Variants in NTN4 observed in about 807,000 individuals in gnomAD.
NTN4 encodes the protein netrin 4, also known as netrin-4.
Under a neutral mutation model 73.6 loss-of-function variants are expected in NTN4, and 32 were observed. The ratio of observed to expected loss-of-function variants is 0.44; its 90% CI spans 0.33 to 0.58. The LOEUF is 0.58. NTN4 is among the 20% of genes least tolerant of loss of function. NTN4 has a pLI of 0.04. For synonymous variants in NTN4, 258 were observed against 287.5 expected (o/e 0.90, Z 1.04); for missense variants, 654 against 798.3 (o/e 0.82, Z 2.18).
At chr12:95,719,568 G>T (rs2078631608) in intron 3 of NTN4, among the ~76,000 whole-genome samples, 1 of 152,132 alleles carries the variant, frequency 6.6e-6, no homozygotes, top group Non-Finnish European at 1.5e-5. Context: ...TTCATGAAAA[G>T]AAATAAATTC....
chr12:95,669,789 G>A (rs932660291), intron 8 of NTN4, among the ~76,000 whole-genome samples: 1 of 152,136 alleles, frequency 6.6e-6, no homozygotes, highest in Non-Finnish European at 1.5e-5. Context: ...CACGAGAAAG[G>A]ATTTCATGTC....
At chr12:95,729,089 G>GTC (rs1043103121) in intron 3 of NTN4, among the ~76,000 whole-genome samples, 9 of 152,104 alleles carry the variant, frequency 5.9e-5, no homozygotes, top group African/African-American at 2.2e-4. Flanking sequence ...AAGTTACCCA[G>GTC]TCTCAGGTAT....
chr12:95,755,072 ATTAAG>A (rs1453059841), intron 2 of NTN4, among the ~76,000 whole-genome samples: 1 of 152,248 alleles, frequency 6.6e-6, no homozygotes, highest in Admixed American at 6.5e-5. Context: ...TCTATTGTTT[ATTAAG>A]TTATGTAAAA....
At chr12:95,675,143 C>G (rs145423178) in intron 7 of NTN4, among the ~76,000 whole-genome samples, 1,559 of 152,268 alleles carry the variant, frequency 0.01, 18 homozygotes, top group Non-Finnish European at 0.017. Flanking sequence ...GACTTGTTTT[C>G]TTTTTCAAAT....
chr12:95,695,215 T>C (rs774826563), intron 5 of NTN4, among the ~76,000 whole-genome samples: 1 of 152,072 alleles, frequency 6.6e-6, no homozygotes, highest in Non-Finnish European at 1.5e-5. Context: ...CAGTGTCTCC[T>C]GAGTTTTTGT....
chr12:95,788,935 C>G (rs1380521603), intron 1 of NTN4, among the ~76,000 whole-genome samples: 1 of 152,112 alleles, frequency 6.6e-6, no homozygotes, highest in Non-Finnish European at 1.5e-5. Flanking sequence ...TTATTTACAA[C>G]CTTTCAATGG....
chr12:95,753,168 T>G (rs892917478), intron 2 of NTN4, among the ~76,000 whole-genome samples: 1 of 152,184 alleles, frequency 6.6e-6, no homozygotes, highest in African/African-American at 2.4e-5. Context: ...CAGGCCTAAT[T>G]GCCACACACC....
chr12:95,718,699 C>T (rs956624461), intron 3 of NTN4, among the ~76,000 whole-genome samples: 3 of 152,150 alleles, frequency 2.0e-5, no homozygotes, highest in South Asian at 2.1e-4. Flanking sequence ...GCAGCAACTA[C>T]CCAATGTGAC....
intron 1 of NTN4, among the ~76,000 whole-genome samples, chr12:95,787,737 A>G (rs2121310687): frequency 6.6e-6 from 1 of 152,280 alleles, no homozygotes; most frequent in Middle Eastern, 3.4e-3. Flanking sequence ...AGAAACAAAC[A>G]CTTTAGGCAG....
At chr12:95,683,737 T>A (rs1483602305) in intron 5 of NTN4, 26 bp from the exon 6 acceptor site, 1 of 1,551,026 alleles carries the variant, frequency 6.4e-7, no homozygotes, top group African/African-American at 1.4e-5. Flanking sequence ...CACGCAAGGA[T>A]CAAAGACTGA....
At chr12:95,729,684 T>C (rs879228318) in intron 3 of NTN4, among the ~76,000 whole-genome samples, 1 of 149,082 alleles carries the variant, frequency 6.7e-6, no homozygotes, top group Non-Finnish European at 1.5e-5. Flanking sequence ...TATTTTAACC[T>C]TACGTGTCTT....
chr12:95,720,184 T>C (rs2078636124), intron 3 of NTN4, among the ~76,000 whole-genome samples: 1 of 152,176 alleles, frequency 6.6e-6, no homozygotes, highest in Non-Finnish European at 1.5e-5. Flanking sequence ...CAAATCCTTA[T>C]ATTATTAGCA....
chr12:95,767,054 C>T (rs951041640), intron 2 of NTN4, among the ~76,000 whole-genome samples: 1 of 152,210 alleles, frequency 6.6e-6, no homozygotes, highest in Non-Finnish European at 1.5e-5. Flanking sequence ...GTTATCTCTA[C>T]TCAGAAAAAC....
At chr12:95,771,280 C>A (rs1278863371) in intron 2 of NTN4, among the ~76,000 whole-genome samples, 1 of 152,128 alleles carries the variant, frequency 6.6e-6, no homozygotes, top group Non-Finnish European at 1.5e-5. Flanking sequence ...TGAGCCACCG[C>A]GCGGGGCCAA....
At chr12:95,762,972 C>G (rs1592710354) in intron 2 of NTN4, among the ~76,000 whole-genome samples, 1 of 152,180 alleles carries the variant, frequency 6.6e-6, no homozygotes, top group African/African-American at 2.4e-5. Flanking sequence ...CCGACTGTGT[C>G]TCTCATCATC....
intron 2 of NTN4, among the ~76,000 whole-genome samples, chr12:95,749,648 G>C (rs547934247): frequency 6.6e-6 from 1 of 152,212 alleles, no homozygotes; most frequent in Non-Finnish European, 1.5e-5. Flanking sequence ...TTGCAGGGAC[G>C]CCTCTCTGAT....
intron 3 of NTN4, among the ~76,000 whole-genome samples, chr12:95,715,260 C>T (rs2078597002): frequency 6.6e-6 from 1 of 151,988 alleles, no homozygotes; most frequent in South Asian, 2.1e-4. Context: ...AATTTCATTT[C>T]AGTGTATTGT....
intron 5 of NTN4, among the ~76,000 whole-genome samples, chr12:95,706,295 A>AACAG (rs1262681849): frequency 6.6e-6 from 1 of 151,856 alleles, no homozygotes; most frequent in East Asian, 1.9e-4. Flanking sequence ...GTAACAAAAA[A>AACAG]AACTAAAACA....
At chr12:95,672,966 C>A in intron 7 of NTN4, 1 of 1,143,050 alleles carries the variant, frequency 8.7e-7, no homozygotes, top group Non-Finnish European at 1.3e-6. Context: ...GTAAATTGGA[C>A]AAGAGCTCGA....
Sources: allele counts gnomAD v4.1 joint callset (sites outside exome capture counted in the v4.1 genomes callset), GRCh38; gene constraint gnomAD v4.1.1; transcripts MANE v1.5; gene names NCBI Gene and HGNC (gene_info 2026-07-23, HGNC 2026-07-21).